The following RGS3 variants were observed in gnomAD, a reference collection of about 807,000 sequenced individuals.
RGS3 encodes regulator of G protein signaling 3, also known as regulator of G-protein signalling 3.
In RGS3, 80 loss-of-function variants were observed where a neutral mutation model predicts 132.6. That is an observed-to-expected ratio of 0.60 (90% confidence interval 0.50 to 0.73). The LOEUF is 0.73. Among genes scored for constraint, RGS3 ranks in the 30% least tolerant of loss-of-function variants. The probability of loss-of-function intolerance (pLI) is 0.00; values close to 1 mark genes in which losing one functional copy is unlikely to be tolerated. For synonymous variants in RGS3, 598 were observed against 620.6 expected (o/e 0.96, Z 0.54); for missense variants, 1,382 against 1,530.8 (o/e 0.90, Z 1.62).
chr9:113,475,543 C>T (rs1219421541), intron 3 of RGS3, among the ~76,000 whole-genome samples: 2 of 152,106 alleles, frequency 1.3e-5, no homozygotes, highest in East Asian at 3.9e-4. Context: ...GTAGCTGAGA[C>T]TACAGGCACG....
chr9:113,491,617 C>G (rs559789813), intron 7 of RGS3, among the ~76,000 whole-genome samples: 1 of 151,534 alleles, frequency 6.6e-6, no homozygotes, highest in African/African-American at 2.4e-5. Context: ...TGGAATGGCG[C>G]GATCTCACCT....
Position 113,563,819 on chromosome 9 carries a change from C to T in RGS3, c.2038-19631C>T, listed in dbSNP as rs936069370. Among the ~76,000 whole-genome samples the T allele has an allele frequency of 5.9e-5, 9 of 152,274 alleles. No individual in the cohort carries two copies. The East Asian group carries it at 1.5e-3, about 26-fold the overall frequency. ...TGTGAGAGAGTCAGGAATACAGAGTCAGAGATAGACAGGGGCAGGGATACA... is the reference window on the plus strand; with the variant it reads ...TGTGAGAGAGTCAGGAATACAGAGTTAGAGATAGACAGGGGCAGGGATACA... On this transcript the variant is annotated intron_variant, in intron 19 of 24. Coordinates refer to ENST00000350696, the Ensembl canonical transcript of RGS3.
At chr9:113,483,231 C>T in intron 5 of RGS3, 114 bp downstream of exon 3, 3 of 710,824 alleles carry the variant, frequency 4.2e-6, no homozygotes, top group Non-Finnish European at 7.5e-6. Flanking sequence ...AGGCAGTTGC[C>T]ATCTCACTCA....
intron 19 of RGS3, among the ~76,000 whole-genome samples, chr9:113,557,937 G>T (rs1262777154): frequency 6.6e-5 from 10 of 152,202 alleles, no homozygotes; most frequent in Admixed American, 6.5e-4. Flanking sequence ...GTGGGAAGAA[G>T]TGTGACTTTA....
At chr9:113,485,589 C>G in intron 6 of RGS3, 36 bp from the exon 5 acceptor site, 1 of 1,555,854 alleles carries the variant, frequency 6.4e-7, no homozygotes, top group Non-Finnish European at 8.8e-7. Context: ...GAGCTCAGCC[C>G]TTACTAACAC....
intron 21 of RGS3, chr9:113,593,927 CGAG>C: frequency 6.2e-7 from 1 of 1,606,886 alleles, no homozygotes; most frequent in Non-Finnish European, 8.5e-7. Context: ...GCCATGGTAA[CGAG>C]GAGGCCAGTC....
In RGS3 at chr9:113,584,443, G is replaced by A. The variant is rs192417274; in HGVS notation, c.3015+16G>A. The A allele has an allele frequency of 6.0e-6, 9 of 1,503,182 alleles. No homozygotes were observed. Among genetic ancestry groups the A allele is most frequent in the Non-Finnish European group, 7.9e-6 (9 of 1,133,864 alleles). 93.1% of individuals were successfully genotyped at this position (1,503,182 alleles called of 1,614,324 possible). ...ACACAGGAAGGTGAGAAAGCTAAAG[G>A]GGGAGGGAGAAGGATACATGCAATG... On this transcript the variant is annotated intron_variant, in intron 20 of 24. Transcript: ENST00000350696.
Position 113,591,238 on chromosome 9 carries a change from C to A in RGS3, c.3016-95C>A. On this transcript the variant is annotated intron_variant, in intron 20 of 24. Coordinates refer to ENST00000350696, the Ensembl canonical transcript of RGS3. This position sits in a 1 kb window ranked among gnomAD's most constrained non-coding sequence, Gnocchi z 4.4. ...GTGGGGGCTTTGGGGATGGAAGGGG[C>A]TGGTGGCAGGGAATGTTGGGTCTCT... 1 of 1,107,220 alleles carries A rather than the reference C, an allele frequency of 9.0e-7. No individual in the cohort carries two copies. Among genetic ancestry groups the A allele is most frequent in the Non-Finnish European group, 1.4e-6 (1 of 738,388 alleles). The allele number at this position is 1,107,220 out of a possible 1,614,324, so 68.6% of individuals were successfully genotyped here. A position where few individuals can be genotyped will look rare whatever the true frequency, so the allele number is the denominator to read the frequency against.
intron 14 of RGS3, among the ~76,000 whole-genome samples, chr9:113,511,250 A>G (rs1831386617): frequency 6.6e-6 from 1 of 152,182 alleles, no homozygotes; most frequent in Admixed American, 6.5e-5. Context: ...TCTGGGAGCA[A>G]AGCCCTGTAA....
intron 3 of RGS3, among the ~76,000 whole-genome samples, chr9:113,475,288 C>T (rs890616921): frequency 6.6e-6 from 1 of 152,102 alleles, no homozygotes; most frequent in Non-Finnish European, 1.5e-5. Flanking sequence ...AAGGCCCTGC[C>T]CAACCTCGAT....
intron 18 of RGS3, among the ~76,000 whole-genome samples, chr9:113,532,684 G>A (rs182806099): frequency 1.4e-4 from 22 of 152,296 alleles, no homozygotes; most frequent in Non-Finnish European, 2.8e-4. Context: ...AAGAAATGTC[G>A]AGGTATCACT....
chr9:113,460,215 T>A, upstream of RGS3: 1 of 1,229,812 alleles, frequency 8.1e-7, no homozygotes. Context: ...CCTTTAACCT[T>A]ATTTCCTTTT....
intron 7 of RGS3, among the ~76,000 whole-genome samples, chr9:113,488,970 T>G (rs577085917): frequency 4.6e-5 from 7 of 152,362 alleles, no homozygotes; most frequent in Admixed American, 2.0e-4. Flanking sequence ...GGATGGACAT[T>G]CAACTTATCA....
At chr9:113,527,304 G>A (rs535579430) in intron 17 of RGS3, among the ~76,000 whole-genome samples, 1 of 152,182 alleles carries the variant, frequency 6.6e-6, no homozygotes, top group African/African-American at 2.4e-5. Flanking sequence ...TTTTCTTGCC[G>A]CCAGCTTCTA....
At chr9:113,535,157 G>GT (rs376942958) in intron 18 of RGS3, among the ~76,000 whole-genome samples, 120 of 149,680 alleles carry the variant, frequency 8.0e-4, no homozygotes, top group Admixed American at 2.4e-3. Flanking sequence ...ATTTTATTTT[G>GT]TTTTTTTTTC....
intron 10 of RGS3, chr9:113,501,674 G>A (rs570630909): frequency 6.5e-7 from 1 of 1,530,216 alleles, no homozygotes; most frequent in African/African-American, 1.4e-5. Context: ...GGTGTTCAGG[G>A]ATAGGGGTAG....
intron 19 of RGS3, among the ~76,000 whole-genome samples, chr9:113,554,887 C>T (rs1021892262): frequency 4.6e-5 from 7 of 151,782 alleles, no homozygotes; most frequent in African/African-American, 1.7e-4. Flanking sequence ...TCTTTCCTAC[C>T]CCTAGATTAT....
At chr9:113,540,724 C>A (rs1339478496) in intron 19 of RGS3, among the ~76,000 whole-genome samples, 1 of 152,250 alleles carries the variant, frequency 6.6e-6, no homozygotes, top group African/African-American at 2.4e-5. Context: ...CAATCCATCA[C>A]CCCCTTTCCT....
intron 24 of RGS3, 37 bp from the exon 23 acceptor site, chr9:113,596,731 C>A: frequency 6.4e-7 from 1 of 1,562,460 alleles, no homozygotes; most frequent in Non-Finnish European, 8.7e-7. Flanking sequence ...CAGTCCCCAG[C>A]AGGCAGCCCT....
Sources: allele counts gnomAD v4.1 joint callset (sites outside exome capture counted in the v4.1 genomes callset), GRCh38; gene constraint gnomAD v4.1.1; non-coding constraint Gnocchi (gnomAD v3.1); transcripts MANE v1.5; gene names NCBI Gene and HGNC (gene_info 2026-07-23, HGNC 2026-07-21).